Variants in CELSR3 observed in about 807,000 individuals in gnomAD.
CELSR3 encodes the protein cadherin EGF LAG seven-pass G-type receptor 3.
A neutral mutation model predicts 270.0 loss-of-function variants in CELSR3; 73 were observed. The observed-to-expected ratio is 0.27, with a 90% confidence interval of 0.22 to 0.33. CELSR3 has a LOEUF of 0.33. CELSR3 is among the 10% of genes least tolerant of loss of function. The pLI is 1.00. For missense variants in CELSR3, 3,614 were observed against 4,533.8 expected (o/e 0.80, Z 5.83); for synonymous variants, 1,780 against 1,905.4 (o/e 0.93, Z 1.71).
At chr3:48,649,614 G>A (rs2047119250) in intron 16 of CELSR3, among the ~76,000 whole-genome samples, 1 of 152,284 alleles carries the variant, frequency 6.6e-6, no homozygotes, top group Non-Finnish European at 1.5e-5. Flanking sequence ...TGCCAACACA[G>A]AAGAGGGCTT....
rs921252549 is a variant in CELSR3, at chr3:48,642,940, C to T, written c.8406+27G>A. On this transcript the variant is annotated intron_variant, in intron 29 of 34. Coordinates refer to ENST00000164024, the MANE Select transcript of CELSR3 (RefSeq NM_001407.3). This position sits in a 1 kb window ranked among gnomAD's most constrained non-coding sequence, Gnocchi z 6.1. ...ACCCTGAAGCAGCCTAAAACTCTGG[C>T]TTCTCAGGGCCCCCATCCCGACTCA... 1 of 1,609,764 alleles carries T rather than the reference C, an allele frequency of 6.2e-7. No individual in the cohort carries two copies. Among genetic ancestry groups the T allele is most frequent in the Non-Finnish European group, 8.5e-7 (1 of 1,177,558 alleles).
chr3:48,640,184 A>G lies in CELSR3; in HGVS notation c.9401T>C (p.Met3134Thr), dbSNP rs751298415. 1 of 1,612,692 alleles carries G rather than the reference A, an allele frequency of 6.2e-7. No homozygotes were observed. Among genetic ancestry groups the G allele is most frequent in the Non-Finnish European group, 8.5e-7 (1 of 1,179,944 alleles). The part of the protein sequence containing the change: ...RQPPRDYPGA[M>T]AGRFGSRDAL... The stretch of plus-strand genomic sequence containing the variant: ...ATCCCGTGACCCGAAGCGGCCAGCC[A>G]TGGCGCCAGGGTAGTCCCGAGGTGG... Residue 3134 changes from methionine to threonine, a missense_variant, in exon 34 of 35, where the codon ATG (methionine) becomes ACG (threonine). This residue lies in a region of CELSR3 where 1,240 missense variants were observed against 1,351.7 expected (regional missense o/e 0.92). Coordinates refer to ENST00000164024, the MANE Select transcript of CELSR3 (RefSeq NM_001407.3). The surrounding 1 kb of genome is among the most constrained non-coding windows in gnomAD (Gnocchi z 7.5).
In CELSR3 at chr3:48,646,751, G is replaced by C. The variant is rs1161028608; in HGVS notation, c.7295+12C>G. 1.2e-6 allele frequency: 2 copies of C among 1,606,140 alleles called. No homozygotes were observed. Among genetic ancestry groups the C allele is most frequent in the Non-Finnish European group, 1.7e-6 (2 of 1,177,562 alleles). ...AGTTCGTAGGAAGCTCAGGGGTGAG[G>C]GGCCTGAGTACCTGGCACCTCGGCG... On this transcript the variant is annotated intron_variant, in intron 21 of 34. Transcript: ENST00000164024. This position sits in a 1 kb window ranked among gnomAD's most constrained non-coding sequence, Gnocchi z 4.8.
In CELSR3 at chr3:48,651,510, C is replaced by T. The variant is rs571336293; in HGVS notation, c.6066-31G>A. ...GGTGCAGAGCCAGGTAAGATGCCTC[C>T]ACGGTATCCCAGTGACCCTCCCTGT... On this transcript the variant is annotated intron_variant, in intron 13 of 34. Coordinates refer to ENST00000164024, the MANE Select transcript of CELSR3 (RefSeq NM_001407.3). The surrounding 1 kb of genome is among the most constrained non-coding windows in gnomAD (Gnocchi z 7.4). 1.2e-6 allele frequency: 2 copies of T among 1,611,272 alleles called. No homozygotes were observed. The highest frequency in any genetic ancestry group is 3.3e-5 in the Admixed American group (2 of 59,938).
rs1449786949 is a variant in CELSR3, at chr3:48,637,054, C to T, written c.*1151G>A. The T allele has an allele frequency of 6.6e-6, 1 of 152,552 alleles. No individual in the cohort carries two copies. The highest frequency in any genetic ancestry group is 1.9e-4 in the East Asian group (1 of 5,190). 9.4% of individuals were successfully genotyped at this position (152,552 alleles called of 1,614,324 possible). A position where few individuals can be genotyped will look rare whatever the true frequency, so the allele number is the denominator to read the frequency against. On this transcript the variant is annotated 3_prime_UTR_variant, in exon 35 of 35. Transcript: ENST00000164024. Reference sequence around the variant, plus strand: ...AAAACTCAAAGTTTTGAGTTGTAAACAAAGTAAAAACATTTTTTGAATCTG... The same window carrying T: ...AAAACTCAAAGTTTTGAGTTGTAAATAAAGTAAAAACATTTTTTGAATCTG...
In CELSR3 at chr3:48,662,086, CT is replaced by C. The variant is rs755061983; in HGVS notation, c.548del (p.Lys183SerfsTer125). 1.9e-6 allele frequency: 3 copies of C among 1,613,932 alleles called. No individual in the cohort carries two copies. In the South Asian group the frequency reaches 3.3e-5, roughly 18 times the overall value. On this transcript the variant is annotated frameshift_variant, in exon 1 of 35. Transcript: ENST00000164024. LOFTEE classifies it high-confidence loss of function. The surrounding 1 kb of genome is among the most constrained non-coding windows in gnomAD (Gnocchi z 7.1). ...SDFLIRHHGP[K>X]PVSSQRNAGT... is the part of the protein sequence containing the mutation. ...CAGCGTTCCGCTGGGAGGACACCGG[CT>C]TGGGACCGTGGTGCCGAATCAAAAA...
rs370150454 is a variant in CELSR3 at position 48,662,037 on chromosome 3, C to T, written c.598G>A (p.Gly200Ser). The T allele has an allele frequency of 6.2e-7, 1 of 1,614,028 alleles. No individual in the cohort carries two copies. The highest frequency in any genetic ancestry group is 1.3e-5 in the African/African-American group (1 of 74,942). The change falls in exon 1 of 35, where the codon GGC becomes AGC. Residue 200 changes from glycine to serine, a missense_variant. By Grantham distance (56) the Gly-to-Ser change is moderately conservative. This residue lies in a region of CELSR3 where 470 missense variants were observed against 469.7 expected (regional missense o/e 1.00). Transcript: ENST00000164024. This position sits in a 1 kb window ranked among gnomAD's most constrained non-coding sequence, Gnocchi z 7.1. Reference protein sequence around the residue: ...NAGTGSRKRVGTARCCGELWA... With the variant: ...NAGTGSRKRVSTARCCGELWA... ...AATTCCCCACAGCAGCGCGCGGTGC[C>T]CACTCTTTTGCGGGAGCCTGTCCCA...
In CELSR3 at chr3:48,662,526, C is replaced by T. The variant is rs532618466; in HGVS notation, c.109G>A (p.Gly37Ser). The change falls in exon 1 of 35, where the codon GGT becomes AGT. Residue 37 changes from glycine to serine, a missense_variant. Transcript: ENST00000164024. This position sits in a 1 kb window ranked among gnomAD's most constrained non-coding sequence, Gnocchi z 7.1. ...FPLSQEELGGGGHQGWDPGLA... is the reference protein window; with the variant it reads ...FPLSQEELGGSGHQGWDPGLA... ...CCTGGGTCCCAGCCCTGGTGCCCAC[C>T]GCCCCCCAGCTCCTCCTGGCTGAGG... The T allele has an allele frequency of 3.1e-6, 5 of 1,607,236 alleles. No homozygotes were observed. The highest frequency in any genetic ancestry group is 1.7e-5 in the Admixed American group (1 of 59,270).
At position 48,641,470 on chromosome 3, in the gene CELSR3, G is replaced by A; in HGVS notation, c.8879C>T (p.Ala2960Val). The A allele has an allele frequency of 6.2e-7, 1 of 1,612,196 alleles. No homozygotes were observed. Among genetic ancestry groups the A allele is most frequent in the Non-Finnish European group, 8.5e-7 (1 of 1,179,610 alleles). The change falls in exon 33 of 35, where the codon GCA becomes GTA. Residue 2960 changes from alanine to valine, a missense_variant. Ala to Val is a moderately conservative substitution (Grantham distance 64). Around this residue, in one of 7 missense-constraint regions of CELSR3, gnomAD observed 1,240 missense variants for 1,351.7 expected, o/e 0.92. Coordinates refer to ENST00000164024, the MANE Select transcript of CELSR3 (RefSeq NM_001407.3). The surrounding 1 kb of genome is among the most constrained non-coding windows in gnomAD (Gnocchi z 4.8). ...CCAAGTCTGCAGAGCACAGGGGGCT[G>A]CCTCGCACTCCCCCAGGGCTGGCCA... ...SYWPALGECE[A>V]APCALQTWGS...
rs1348945436 is a variant in CELSR3, at chr3:48,662,738, C to T, written c.-104G>A. 2.7e-6 allele frequency: 1 copy of T among 373,706 alleles called. No homozygotes were observed. The highest frequency in any genetic ancestry group is 4.4e-6 in the Non-Finnish European group (1 of 224,878). 23.1% of individuals were successfully genotyped at this position (373,706 alleles called of 1,614,324 possible). On this transcript the variant is annotated 5_prime_UTR_variant, in exon 1 of 35. Transcript: ENST00000164024. The surrounding 1 kb of genome is among the most constrained non-coding windows in gnomAD (Gnocchi z 7.1). The stretch of plus-strand genomic sequence containing the variant: ...CCCGGGCCCCTGCCGCCGCCCCGGG[C>T]CCCCGCCCCTCCGCCTGTCTCTCCG...
rs1397907446 is a variant in CELSR3 at position 48,645,568 on chromosome 3, C to T, written c.7672G>A (p.Ala2558Thr). 6.2e-7 allele frequency: 1 copy of T among 1,612,500 alleles called. No homozygotes were observed. Among genetic ancestry groups the T allele is most frequent in the Non-Finnish European group, 8.5e-7 (1 of 1,179,986 alleles). The change falls in exon 24 of 35, where the codon GCA becomes ACA. Residue 2558 changes from alanine (A) to threonine (T), a missense_variant. By Grantham distance (58) the Ala-to-Thr change is moderately conservative. Around this residue, in one of 7 missense-constraint regions of CELSR3, gnomAD observed 1,240 missense variants for 1,351.7 expected, o/e 0.92. Coordinates refer to ENST00000164024, the MANE Select transcript of CELSR3 (RefSeq NM_001407.3). This position sits in a 1 kb window ranked among gnomAD's most constrained non-coding sequence, Gnocchi z 5.4. ...CTGCGCAGGCTCAGCAGGATGGCTG[C>T]AGTCAGCACCAGCGCAGCCACAGAC... Reference protein sequence around the residue: ...AVSVAALVLTAAILLSLRSLK... With the variant: ...AVSVAALVLTTAILLSLRSLK...
chr3:48,644,128 G>T lies in CELSR3; in HGVS notation c.8165+88C>A. 1 of 1,096,964 alleles carries T rather than the reference G, an allele frequency of 9.1e-7. No homozygotes were observed. The highest frequency in any genetic ancestry group is 1.4e-6 in the Non-Finnish European group (1 of 734,650). 68.0% of individuals were successfully genotyped at this position (1,096,964 alleles called of 1,614,324 possible). On this transcript the variant is annotated intron_variant, in intron 27 of 34. Transcript: ENST00000164024. This position sits in a 1 kb window ranked among gnomAD's most constrained non-coding sequence, Gnocchi z 4.8. The stretch of plus-strand genomic sequence containing the variant: ...TCATCTAGAACTTGGAGCCCAACCT[G>T]CACCAGGGAAGATCTGGGGGCCCCA...
Position 48,661,223 on chromosome 3 carries a change from C to A in CELSR3, c.1412G>T (p.Arg471Leu). 1 of 1,604,442 alleles carries A rather than the reference C, an allele frequency of 6.2e-7. No homozygotes were observed. Among genetic ancestry groups the A allele is most frequent in the Non-Finnish European group, 8.5e-7 (1 of 1,174,958 alleles). ...DAPPNANLRY[R>L]FVGPPAARAA... ...GCGCGCAGCTGGCGGCCCCACGAAG[C>A]GGTAGCGCAGGTTGGCGTTGGGGGG... Residue 471 changes from arginine to leucine, a missense_variant, in exon 1 of 35, where the codon CGC (arginine) becomes CTC (leucine). Around this residue, in one of 7 missense-constraint regions of CELSR3, gnomAD observed 354 missense variants for 500.9 expected, o/e 0.71. Coordinates refer to ENST00000164024, the MANE Select transcript of CELSR3 (RefSeq NM_001407.3).
At chr3:48,656,604 C>T in intron 2 of CELSR3, 94 bp downstream of exon 2, 1 of 1,396,956 alleles carries the variant, frequency 7.2e-7, no homozygotes, top group Non-Finnish European at 9.4e-7. Context: ...CAGGCCGTGG[C>T]CTCAGAAGTG....
At chr3:48,648,527 C>A (rs760504610) in intron 18 of CELSR3, 66 bp from the exon 19 acceptor site, 3 of 1,458,660 alleles carry the variant, frequency 2.1e-6, no homozygotes, top group Non-Finnish European at 1.8e-6. Context: ...ATAGGGCAGG[C>A]ATGAGAGGTC....
rs199772982 is a variant in CELSR3, at chr3:48,651,513, G to A, written c.6066-34C>T. ...GCAGAGCCAGGTAAGATGCCTCCAC[G>A]GTATCCCAGTGACCCTCCCTGTCCC... On this transcript the variant is annotated intron_variant, in intron 13 of 34. Transcript: ENST00000164024. This position sits in a 1 kb window ranked among gnomAD's most constrained non-coding sequence, Gnocchi z 7.4. The A allele has an allele frequency of 2.0e-4, 323 of 1,610,502 alleles. 1 individual carries two copies. In the African/African-American group the frequency reaches 3.4e-3, roughly 17 times the overall value.
chr3:48,650,448 C>A lies in CELSR3; in HGVS notation c.6472+32G>T. On this transcript the variant is annotated intron_variant, in intron 16 of 34. Transcript: ENST00000164024. This position sits in a 1 kb window ranked among gnomAD's most constrained non-coding sequence, Gnocchi z 5.1. ...GTCAGAGTACAGGCCCACCCCCACC[C>A]TCAGTGATGTCCTTTCCCCCCACAT... 8.2e-7 allele frequency: 1 copy of A among 1,221,702 alleles called. No individual in the cohort carries two copies. Among genetic ancestry groups the A allele is most frequent in the East Asian group, 2.7e-5 (1 of 36,434 alleles). 75.7% of individuals were successfully genotyped at this position (1,221,702 alleles called of 1,614,324 possible). A position where few individuals can be genotyped will look rare whatever the true frequency, so the allele number is the denominator to read the frequency against.
chr3:48,660,462 C>G lies in CELSR3; in HGVS notation c.2173G>C (p.Gly725Arg). 1 of 1,614,096 alleles carries G rather than the reference C, an allele frequency of 6.2e-7. No individual in the cohort carries two copies. Among genetic ancestry groups the G allele is most frequent in the Non-Finnish European group, 8.5e-7 (1 of 1,180,030 alleles). Residue 725 changes from glycine to arginine, a missense_variant, in exon 1 of 35, where the codon GGT becomes CGT. Gly to Arg is a moderately radical substitution (Grantham distance 125). This residue lies in a region of CELSR3 where 215 missense variants were observed against 241.2 expected (regional missense o/e 0.89). Transcript: ENST00000164024. This position sits in a 1 kb window ranked among gnomAD's most constrained non-coding sequence, Gnocchi z 5.5. ...DRESVEHYFF[G>R]VEARDHGSPP... ...GAGCCATGGTCTCGAGCCTCCACAC[C>G]AAAGAAGTAATGCTCCACAGACTCA...
chr3:48,656,546 G>A, intron 2 of CELSR3, 152 bp downstream of exon 2: 3 of 1,204,918 alleles, frequency 2.5e-6, no homozygotes, highest in Non-Finnish European at 3.3e-6. Context: ...CTCGGCGGCG[G>A]CCCCTTCCGG....
Sources: allele counts gnomAD v4.1 joint callset (sites outside exome capture counted in the v4.1 genomes callset), GRCh38; gene constraint gnomAD v4.1.1; regional missense constraint gnomAD v4.1.1; non-coding constraint Gnocchi (gnomAD v3.1); transcripts MANE v1.5; gene names NCBI Gene and HGNC (gene_info 2026-07-23, HGNC 2026-07-21).